The following SRGAP2 variants were observed in gnomAD, a reference collection of about 807,000 sequenced individuals.
SRGAP2 encodes the protein SLIT-ROBO Rho GTPase activating protein 2, also known as SLIT-ROBO Rho GTPase-activating protein 2.
SRGAP2 carries 15 observed loss-of-function variants against 57.2 expected under a neutral mutation model. The observed-to-expected ratio is 0.26, with a 90% CI of 0.18 to 0.40. The LOEUF (loss-of-function observed/expected upper bound fraction) is 0.40, where lower values mean the gene tolerates loss of function less well. Among genes scored for constraint, SRGAP2 ranks in the 10% least tolerant of loss-of-function variants. SRGAP2 has a pLI of 1.00. For synonymous variants in SRGAP2, 249 were observed against 248.0 expected, an observed-to-expected ratio of 1.00 and a Z score of -0.04; for missense variants, 520 against 669.6, an observed-to-expected ratio of 0.78 and a Z score of 2.47.
chr1:206,389,500 A>C (rs1553349610), intron 5 of SRGAP2, among the ~76,000 whole-genome samples: 1 of 151,616 alleles, frequency 6.6e-6, no homozygotes, highest in African/African-American at 2.4e-5. Flanking sequence ...TCAATAGCTT[A>C]TTTTGTGTTT....
At chr1:206,344,048 G>A (rs1427133945) in intron 4 of SRGAP2, among the ~76,000 whole-genome samples, 1 of 152,004 alleles carries the variant, frequency 6.6e-6, no homozygotes, top group Non-Finnish European at 1.5e-5. Flanking sequence ...AGAAAAGACT[G>A]GTAAACAGGA....
chr1:206,460,498 C>T (rs1333637301), intron 22 of SRGAP2, among the ~76,000 whole-genome samples: 3 of 151,948 alleles, frequency 2.0e-5, no homozygotes, highest in African/African-American at 7.3e-5. Flanking sequence ...CGGGGGGAGG[C>T]GTATTGGGCT....
intron 17 of SRGAP2, among the ~76,000 whole-genome samples, chr1:206,441,486 G>C (rs1662301769): frequency 6.6e-6 from 1 of 152,184 alleles, no homozygotes; most frequent in Non-Finnish European, 1.5e-5. Flanking sequence ...GCAAGGACAT[G>C]TGATTCTTCC....
rs145339969 is a variant in SRGAP2, at chr1:206,419,543, C to T, written c.1469+143C>T. On this transcript the variant is annotated intron_variant, in intron 12 of 22. Transcript: ENST00000573034. ...AATGGCCTGGGGCGGGGTTTGTTTA[C>T]TTCCCTTTGCCTTACTGACCCCATC... is the stretch of plus-strand genomic sequence containing the variant. 5.1e-4 allele frequency: 342 copies of T among 672,246 alleles called. 2 individuals are homozygous for T. In the East Asian group the frequency reaches 7.8e-3, roughly 15 times the overall value. 41.6% of individuals were successfully genotyped at this position (672,246 alleles called of 1,614,324 possible).
chr1:206,206,091 T>C lies in SRGAP2; in HGVS notation c.67+54T>C. ...AAATGCTCTGTGGACTGGTGAGGCG[T>C]GTATTTCCACCGTGATTTGCAGGTT... is the stretch of plus-strand genomic sequence containing the variant. On this transcript the variant is annotated intron_variant, in intron 2 of 22. Transcript: ENST00000573034. 10 of 1,431,614 alleles carry C rather than the reference T, an allele frequency of 7.0e-6. 1 individual carries two copies. In the South Asian group the frequency reaches 1.1e-4, roughly 16 times the overall value. 88.7% of individuals were successfully genotyped at this position (1,431,614 alleles called of 1,614,324 possible). A position where few individuals can be genotyped will look rare whatever the true frequency, so the allele number is the denominator to read the frequency against.
Position 206,463,512 on chromosome 1 carries a change from T to G in SRGAP2, c.*2092T>G. On this transcript the variant is annotated 3_prime_UTR_variant, in exon 23 of 23. Transcript: ENST00000573034. ...CCCTTTCTCCCTCTCTCCAGCACAC[T>G]CCCCTCTAAGAAAGTAAAAGCAAAG... 6.6e-6 allele frequency: 1 copy of G among 152,590 alleles called. No homozygotes were observed. Among genetic ancestry groups the G allele is most frequent in the East Asian group, 1.9e-4 (1 of 5,206 alleles). 9.5% of individuals were successfully genotyped at this position (152,590 alleles called of 1,614,324 possible).
intron 2 of SRGAP2, among the ~76,000 whole-genome samples, chr1:206,208,709 TGA>T (rs1666116859): frequency 6.6e-6 from 1 of 152,168 alleles, no homozygotes; most frequent in African/African-American, 2.4e-5. Context: ...AGAATTATTA[TGA>T]GTGTCAGCTT....
At chr1:206,325,803 T>C (rs1485673004) in intron 3 of SRGAP2, among the ~76,000 whole-genome samples, 7 of 152,170 alleles carry the variant, frequency 4.6e-5, no homozygotes, top group African/African-American at 1.7e-4. Context: ...AATTTTTTGG[T>C]GTGCATAAAA....
intron 10 of SRGAP2, among the ~76,000 whole-genome samples, chr1:206,412,372 A>G (rs1659294832): frequency 6.6e-6 from 1 of 152,202 alleles, no homozygotes; most frequent in South Asian, 2.1e-4. Context: ...GATTATTTTA[A>G]GTGTGAAAGT....
chr1:206,313,917 C>G (rs1438187242), intron 3 of SRGAP2, among the ~76,000 whole-genome samples: 1 of 151,516 alleles, frequency 6.6e-6, no homozygotes, highest in Non-Finnish European at 1.5e-5. Context: ...AGCTTACAGT[C>G]TAGAGACAGG....
rs1228413627 is a variant in SRGAP2 at position 206,307,717 on chromosome 1, G to A, written c.260+4244G>A. On this transcript the variant is annotated intron_variant, in intron 3 of 22. Transcript: ENST00000573034. ...CCGGGTGCTAAGTCCCCCATTGCCC[G>A]GGGCCAGCAGGGCTGGCCGGCTGCT... Among the ~76,000 whole-genome samples, 6 of 152,230 alleles carry A rather than the reference G, an allele frequency of 3.9e-5. 1 individual carries two copies. Among genetic ancestry groups the A allele is most frequent in the Admixed American group, 1.3e-4 (2 of 15,288 alleles).
chr1:206,427,666 C>T (rs987247104), intron 13 of SRGAP2, among the ~76,000 whole-genome samples: 9 of 152,178 alleles, frequency 5.9e-5, no homozygotes, highest in African/African-American at 2.2e-4. Context: ...ACCTGTCAAA[C>T]GGGCAGAAGC....
At chr1:206,320,769 AT>A (rs1673402816) in intron 3 of SRGAP2, among the ~76,000 whole-genome samples, 3 of 151,864 alleles carry the variant, frequency 2.0e-5, no homozygotes, top group Admixed American at 1.3e-4. Flanking sequence ...TTTTATCCAG[AT>A]TGCCCCAAAA....
intron 4 of SRGAP2, among the ~76,000 whole-genome samples, chr1:206,356,016 G>A (rs1437889464): frequency 1.4e-5 from 2 of 147,622 alleles, no homozygotes; most frequent in Admixed American, 1.4e-4. Flanking sequence ...TCTGAGAAAA[G>A]GAGAGGATTG....
At chr1:206,458,439 T>C (rs1664011250) in intron 21 of SRGAP2, 184 bp from the exon 22 acceptor site, 11 of 714,666 alleles carry the variant, frequency 1.5e-5, no homozygotes, top group Middle Eastern at 4.6e-4. Flanking sequence ...TCACCCAGCT[T>C]GGGGGTGGCA....
At chr1:206,451,939 A>G (rs1274577801) in intron 19 of SRGAP2, among the ~76,000 whole-genome samples, 7 of 152,156 alleles carry the variant, frequency 4.6e-5, no homozygotes, top group Admixed American at 2.6e-4. Flanking sequence ...CCATCTAGGC[A>G]TGGTCTTATT....
chr1:206,417,671 C>T (rs1354784357), intron 11 of SRGAP2, among the ~76,000 whole-genome samples: 4 of 152,006 alleles, frequency 2.6e-5, no homozygotes, highest in Admixed American at 6.5e-5. Context: ...CTGCCGGCCT[C>T]GGCCTCCCAA....
chr1:206,384,947 A>T (rs1226574542), intron 5 of SRGAP2, among the ~76,000 whole-genome samples: 1 of 144,900 alleles, frequency 6.9e-6, no homozygotes, highest in East Asian at 2.0e-4. Context: ...TTTGAAGGTG[A>T]TACTGATTTC....
Position 206,437,056 on chromosome 1 carries a change from C to A in SRGAP2, c.1633+14C>A. On this transcript the variant is annotated intron_variant, in intron 15 of 22. Coordinates refer to ENST00000573034, the MANE Select transcript of SRGAP2 (RefSeq NM_015326.5). ...CCTTTGAGAGAGGTAAGGAAACAGT[C>A]TTGAAGATAAAACCAAATATTTGCC... The A allele has an allele frequency of 1.3e-6, 1 of 780,548 alleles. No homozygotes were observed. The highest frequency in any genetic ancestry group is 1.3e-5 in the South Asian group (1 of 74,604). 48.4% of individuals were successfully genotyped at this position (780,548 alleles called of 1,614,324 possible).
Sources: allele counts gnomAD v4.1 joint callset (sites outside exome capture counted in the v4.1 genomes callset), GRCh38; gene constraint gnomAD v4.1.1; transcripts MANE v1.5; gene names NCBI Gene and HGNC (gene_info 2026-07-23, HGNC 2026-07-21).